CAMK1D: variants seen among roughly 807,000 people sequenced by gnomAD.
CAMK1D encodes calcium/calmodulin-dependent protein kinase type 1D.
CAMK1D carries 9 observed loss-of-function variants against 47.7 expected under a neutral mutation model. The ratio of observed to expected loss-of-function variants is 0.19; its 90% CI spans 0.11 to 0.33. The LOEUF is 0.33. Ranked by LOEUF, CAMK1D falls within the 10% of genes least tolerant of loss-of-function variation. CAMK1D has a pLI of 1.00. For missense variants in CAMK1D, 291 were observed against 488.7 expected, an observed-to-expected ratio of 0.60 and a Z score of 3.81; for synonymous variants, 184 against 184.9, an observed-to-expected ratio of 0.99 and a Z score of 0.04.
chr10:12,437,760 T>C (rs987987449), intron 1 of CAMK1D, among the ~76,000 whole-genome samples: 1 of 152,232 alleles, frequency 6.6e-6, no homozygotes, highest in Non-Finnish European at 1.5e-5. Context: ...GGATCCACCA[T>C]GATCGTATCA....
intron 1 of CAMK1D, among the ~76,000 whole-genome samples, chr10:12,541,841 A>G (rs1233133626): frequency 2.9e-5 from 2 of 68,536 alleles, no homozygotes; most frequent in African/African-American, 4.5e-5. Flanking sequence ...GCTGTGTTTT[A>G]TCTTCCTTCC....
At chr10:12,394,487 G>A (rs1000081564) in intron 1 of CAMK1D, among the ~76,000 whole-genome samples, 9 of 152,140 alleles carry the variant, frequency 5.9e-5, no homozygotes, top group East Asian at 1.9e-4. Context: ...AAGAGTCACC[G>A]CATTGGCATA....
At chr10:12,635,253 G>A (rs922073742) in intron 2 of CAMK1D, among the ~76,000 whole-genome samples, 2 of 152,148 alleles carry the variant, frequency 1.3e-5, no homozygotes, top group African/African-American at 4.8e-5. Flanking sequence ...CCCGGAATCC[G>A]GTTGTGTTGG....
chr10:12,750,663 A>T (rs1001168129), intron 3 of CAMK1D, among the ~76,000 whole-genome samples: 1 of 152,178 alleles, frequency 6.6e-6, no homozygotes, highest in Non-Finnish European at 1.5e-5. Context: ...GGATGGGGAA[A>T]GTCAAGAATG....
intron 3 of CAMK1D, among the ~76,000 whole-genome samples, chr10:12,759,698 A>G (rs954553357): frequency 1.3e-5 from 2 of 152,200 alleles, no homozygotes; most frequent in African/African-American, 4.8e-5. Flanking sequence ...ATGAAACATT[A>G]TCCAAGCACA....
chr10:12,361,871 T>A (rs2131841956), intron 1 of CAMK1D, among the ~76,000 whole-genome samples: 1 of 152,058 alleles, frequency 6.6e-6, no homozygotes, highest in Middle Eastern at 3.2e-3. Flanking sequence ...GACTGTTTTT[T>A]AAAAATTATA....
rs181837449 is a variant in CAMK1D at position 12,395,725 on chromosome 10, G to A, written c.92+45815G>A. Among the ~76,000 whole-genome samples, 98 of 151,882 alleles carry A rather than the reference G, an allele frequency of 6.5e-4. No homozygotes were observed. The Middle Eastern group carries it at 0.01, about 16-fold the overall frequency. ...AGGTCAGGAGTTCGAGACCAGCCTA[G>A]CCAACATGGTGAAAAATACAAAAAT... On this transcript the variant is annotated intron_variant, in intron 1 of 10. Transcript: ENST00000619168.
chr10:12,724,905 A>G (rs1342392006), intron 3 of CAMK1D, among the ~76,000 whole-genome samples: 1 of 151,410 alleles, frequency 6.6e-6, no homozygotes. Context: ...AAAAAAAGTG[A>G]TCTCTCCGTG....
intron 1 of CAMK1D, among the ~76,000 whole-genome samples, chr10:12,507,896 C>A (rs2768446): frequency 6.6e-6 from 1 of 151,886 alleles, no homozygotes; most frequent in Non-Finnish European, 1.5e-5. Flanking sequence ...TAGAATTCAC[C>A]CCCTCTTCTC....
chr10:12,810,252 G>A (rs1832547332), intron 6 of CAMK1D, among the ~76,000 whole-genome samples: 1 of 148,144 alleles, frequency 6.8e-6, no homozygotes, highest in South Asian at 2.1e-4. Flanking sequence ...CCATGTGGCT[G>A]TGGCTGGTAC....
At chr10:12,579,707 T>C (rs1357855812) in intron 2 of CAMK1D, among the ~76,000 whole-genome samples, 1 of 152,208 alleles carries the variant, frequency 6.6e-6, no homozygotes, top group Non-Finnish European at 1.5e-5. Flanking sequence ...TACGCAAACA[T>C]GAAGCCTTCC....
chr10:12,389,194 T>TA (rs1554763582), intron 1 of CAMK1D, among the ~76,000 whole-genome samples: 2 of 151,810 alleles, frequency 1.3e-5, no homozygotes, highest in East Asian at 3.9e-4. Context: ...GGCGTGGGGG[T>TA]GTGTGTGGTC....
At chr10:12,589,111 C>T (rs1220876059) in intron 2 of CAMK1D, among the ~76,000 whole-genome samples, 1 of 152,140 alleles carries the variant, frequency 6.6e-6, no homozygotes, top group Non-Finnish European at 1.5e-5. Flanking sequence ...AAGCCATCCT[C>T]CTGTCTCCCA....
chr10:12,781,212 C>T (rs1485361573), intron 5 of CAMK1D, among the ~76,000 whole-genome samples: 1 of 152,204 alleles, frequency 6.6e-6, no homozygotes, highest in Non-Finnish European at 1.5e-5. Context: ...TGATTAAAAA[C>T]CAAAACCCTG....
chr10:12,683,777 T>TGG (rs1381737226), intron 3 of CAMK1D, among the ~76,000 whole-genome samples: 2 of 148,076 alleles, frequency 1.4e-5, no homozygotes, highest in African/African-American at 2.6e-5. Flanking sequence ...TGTGTGTGTG[T>TGG]GTGTGTAACA....
At chr10:12,732,205 C>T (rs1397772150) in intron 3 of CAMK1D, among the ~76,000 whole-genome samples, 1 of 152,132 alleles carries the variant, frequency 6.6e-6, no homozygotes, top group African/African-American at 2.4e-5. Context: ...TGCGCCATTG[C>T]ACTCCAGCCT....
intron 1 of CAMK1D, 95 bp from the exon 2 acceptor site, chr10:12,553,130 T>C: frequency 6.3e-7 from 1 of 1,581,410 alleles, no homozygotes; most frequent in Non-Finnish European, 8.6e-7. Flanking sequence ...GTGCCGTCGT[T>C]ATTGTTTACT....
chr10:12,624,579 T>C (rs934896800), intron 2 of CAMK1D, among the ~76,000 whole-genome samples: 6 of 152,208 alleles, frequency 3.9e-5, no homozygotes, highest in African/African-American at 1.4e-4. Flanking sequence ...CAGAATTTCC[T>C]TCTCTTGTAA....
chr10:12,439,648 G>A (rs1177472278), intron 1 of CAMK1D, among the ~76,000 whole-genome samples: 5 of 152,166 alleles, frequency 3.3e-5, no homozygotes, highest in Non-Finnish European at 7.3e-5. Flanking sequence ...GAGAGGGATC[G>A]AGGACTTACT....
Sources: allele counts gnomAD v4.1 joint callset (sites outside exome capture counted in the v4.1 genomes callset), GRCh38; gene constraint gnomAD v4.1.1; transcripts MANE v1.5; gene names NCBI Gene and HGNC (gene_info 2026-07-23, HGNC 2026-07-21).